LAMC2: variants seen among roughly 807,000 people sequenced by gnomAD.
LAMC2 encodes laminin subunit gamma-2.
In LAMC2, 97 loss-of-function variants were observed where a neutral mutation model predicts 140.2. That is an observed-to-expected ratio of 0.69 (90% CI 0.59 to 0.82). LAMC2 has a LOEUF of 0.82. Among genes scored for constraint, LAMC2 ranks in the 40% least tolerant of loss-of-function variants. The probability of loss-of-function intolerance (pLI) is 0.00; values close to 1 mark genes in which losing one functional copy is unlikely to be tolerated. For synonymous variants in LAMC2, 513 were observed against 540.2 expected (o/e 0.95, Z 0.70); for missense variants, 1,402 against 1,476.1 (o/e 0.95, Z 0.82).
chr1:183,208,203 C>A, intron 2 of LAMC2, 134 bp downstream of exon 2: 2 of 866,698 alleles, frequency 2.3e-6, no homozygotes, highest in Non-Finnish European at 3.8e-6. Context: ...GCAAGCAGGC[C>A]AAGAGGGAGA....
In LAMC2 at chr1:183,232,337, T is replaced by C; in HGVS notation, c.2008T>C (p.Ser670Pro). 1 of 1,613,968 alleles carries C rather than the reference T, an allele frequency of 6.2e-7. No individual in the cohort carries two copies. The highest frequency in any genetic ancestry group is 8.5e-7 in the Non-Finnish European group (1 of 1,180,004). ...LQDILRDAQI[S>P]EGASRSLGLQ... ...GGACATTCTGAGAGATGCCCAGATT[T>C]CAGAAGGTGATGAAGGCCAACTTCC... is the stretch of plus-strand genomic sequence containing the variant. Residue 670 changes from serine (S) to proline (P), a missense_variant, in exon 13 of 23, where the codon TCA becomes CCA. By Grantham distance (74) the Ser-to-Pro change is moderately conservative. Transcript: ENST00000264144.
downstream of LAMC2, chr1:183,249,789 A>C (rs1660327979): frequency 6.6e-6 from 1 of 150,804 alleles, no homozygotes; most frequent in Non-Finnish European, 1.5e-5. Flanking sequence ...AAGAAGATTC[A>C]CTTTCTTTTT....
intron 8 of LAMC2, among the ~76,000 whole-genome samples, chr1:183,226,108 C>T (rs572479568): frequency 5.3e-5 from 8 of 150,942 alleles, no homozygotes; most frequent in African/African-American, 1.9e-4. Flanking sequence ...CCATGCTAGC[C>T]TGTCTGAGTC....
rs35281117 is a variant in LAMC2 at position 183,238,325 on chromosome 1, T to A, written c.2773T>A (p.Ser925Thr). The A allele has an allele frequency of 3.8e-5, 62 of 1,613,942 alleles. No individual in the cohort carries two copies. In the African/African-American group the frequency reaches 7.7e-4, roughly 20 times the overall value. Reference sequence around the variant, plus strand: ...TTTACAGAAATCAGATCAGCTGCTTTCCCGTGCCAATCTTGCTAAAAGCAG... The same window carrying A: ...TTTACAGAAATCAGATCAGCTGCTTACCCGTGCCAATCTTGCTAAAAGCAG... ...SGREKSDQLL[S>T]RANLAKSRAQ... is the part of the protein sequence containing the mutation. The change falls in exon 19 of 23, where the codon TCC becomes ACC. Residue 925 changes from serine to threonine, a missense_variant. By Grantham distance (58) the Ser-to-Thr change is moderately conservative. Around this residue, in one of 3 missense-constraint regions of LAMC2, gnomAD observed 670 missense variants for 667.2 expected, o/e 1.00. Coordinates refer to ENST00000264144, the MANE Select transcript of LAMC2 (RefSeq NM_005562.3).
chr1:183,252,897 C>G, the LAMC2 span, among the ~76,000 whole-genome samples: 1 of 152,226 alleles, frequency 6.6e-6, no homozygotes, highest in Non-Finnish European at 1.5e-5. Context: ...GCCTCCACAA[C>G]TCCTTCCCCA....
At position 183,225,498 on chromosome 1, in the gene LAMC2, G is replaced by C. The variant is rs1033822073; in HGVS notation, c.954-110G>C. 3 of 797,492 alleles carry C rather than the reference G, an allele frequency of 3.8e-6. No individual in the cohort carries two copies. The African/African-American group carries it at 5.1e-5, about 13-fold the overall frequency. 49.4% of individuals were successfully genotyped at this position (797,492 alleles called of 1,614,324 possible). ...CTCTCAGTCCTATGCCCCCTTCTAA[G>C]CAGGACTGGGAAGGGGCTTAGCTGT... On this transcript the variant is annotated intron_variant, in intron 7 of 22. Transcript: ENST00000264144.
intron 18 of LAMC2, among the ~76,000 whole-genome samples, 187 bp downstream of exon 18, chr1:183,237,691 C>A (rs949968054): frequency 1.3e-5 from 2 of 152,064 alleles, no homozygotes; most frequent in African/African-American, 4.8e-5. Flanking sequence ...CCAGCGTAGG[C>A]AACGTAGTGA....
At chr1:183,249,201 A>G (rs1467331220), downstream of LAMC2, 1 of 152,144 alleles carries the variant, frequency 6.6e-6, no homozygotes, top group African/African-American at 2.4e-5. Context: ...CCTTGTTCCT[A>G]TGTACATTCA....
At position 183,222,135 on chromosome 1, in the gene LAMC2, G is replaced by T; in HGVS notation, c.687G>T (p.Lys229Asn). The change falls in exon 6 of 23, where the codon AAG (lysine) becomes AAT (asparagine). Residue 229 changes from lysine to asparagine, a missense_variant. Physicochemically the swap from Lys to Asn is moderately conservative, Grantham distance 94. Transcript: ENST00000264144. ...KAVQRNGSPA[K>N]LQWSQRHQDV... is the part of the protein sequence containing the mutation. ...TCCAACGAAATGGGTCTCCTGCAAA[G>T]CTCCAATGGTCACAGCGCCATCAAG... 2.5e-6 allele frequency: 4 copies of T among 1,614,136 alleles called. No homozygotes were observed. The highest frequency in any genetic ancestry group is 3.4e-6 in the Non-Finnish European group (4 of 1,179,966).
chr1:183,198,572 A>G (rs1364549080), intron 1 of LAMC2, among the ~76,000 whole-genome samples: 1 of 152,252 alleles, frequency 6.6e-6, no homozygotes, highest in Non-Finnish European at 1.5e-5. Flanking sequence ...AGCAACAGCA[A>G]CAAAGCACTA....
chr1:183,247,074 G>A (rs1660255658), downstream of LAMC2, among the ~76,000 whole-genome samples: 1 of 152,172 alleles, frequency 6.6e-6, no homozygotes, highest in African/African-American at 2.4e-5. Context: ...ACTTTGGGAG[G>A]CCAAGGCAGG....
At chr1:183,252,450 A>G in the LAMC2 span, 1 of 571,606 alleles carries the variant, frequency 1.7e-6, no homozygotes. Flanking sequence ...GACTAGAGGA[A>G]AGTCTGTCCA....
rs373273578 is a variant in LAMC2, at chr1:183,235,736, T to G, written c.2456+6T>G. 2.3e-5 allele frequency: 37 copies of G among 1,613,840 alleles called. No individual in the cohort carries two copies. The highest frequency in any genetic ancestry group is 2.9e-5 in the Non-Finnish European group (34 of 1,180,002). Reference sequence around the variant, plus strand: ...GTGCAAGGGCTTGTGGAAAAGTACGTTCCTACGGGTCCTCCCGTGGCTCAT... The same window carrying G: ...GTGCAAGGGCTTGTGGAAAAGTACGGTCCTACGGGTCCTCCCGTGGCTCAT... On this transcript the variant is annotated splice_donor_region_variant and intron_variant, in intron 16 of 22. Coordinates refer to ENST00000264144, the MANE Select transcript of LAMC2 (RefSeq NM_005562.3).
In LAMC2 at chr1:183,218,049, T is replaced by A. The variant is rs181429661; in HGVS notation, c.405-341T>A. On this transcript the variant is annotated intron_variant, in intron 3 of 22. Transcript: ENST00000264144. ...ATAGGGAAACAAATGATAATTTTTT[T>A]AAAAAATGTAAACTGAGCCAAACAG... Among the ~76,000 whole-genome samples, 265 of 152,328 alleles carry A rather than the reference T, an allele frequency of 1.7e-3. No homozygotes were observed. The East Asian group carries it at 0.022, about 13-fold the overall frequency.
intron 1 of LAMC2, among the ~76,000 whole-genome samples, chr1:183,197,675 CAAAA>C (rs201843893): frequency 5.7e-5 from 7 of 123,732 alleles, no homozygotes; most frequent in Non-Finnish European, 8.8e-5. Flanking sequence ...GACTCCGTCT[CAAAA>C]AAAAAAAAAA....
At chr1:183,200,208 T>C (rs1658662270) in intron 1 of LAMC2, among the ~76,000 whole-genome samples, 1 of 151,990 alleles carries the variant, frequency 6.6e-6, no homozygotes, top group Admixed American at 6.6e-5. Flanking sequence ...CTGGCCAACA[T>C]AGTGAAACCC....
Position 183,186,382 on chromosome 1 carries a change from C to T in LAMC2, c.30C>T (p.Leu10=), listed in dbSNP as rs772618887. The T allele has an allele frequency of 6.2e-7, 1 of 1,605,750 alleles. No homozygotes were observed. Residue 10 remains leucine, a synonymous_variant, in exon 1 of 23, where the codon CTC becomes CTT. Coordinates refer to ENST00000264144, the MANE Select transcript of LAMC2 (RefSeq NM_005562.3). The stretch of plus-strand genomic sequence containing the variant: ...CTGCGCTCTGGCTGGGCTGCTGCCT[C>T]TGCTTCTCGCTCCTCCTGCCCGCAG... MPALWLGCC[L]CFSLLLPAAR...
chr1:183,251,327 C>T, the LAMC2 span: 3 of 152,226 alleles, frequency 2.0e-5, no homozygotes, highest in African/African-American at 4.8e-5. Flanking sequence ...CATGCACTGT[C>T]TGAGTTACCT....
rs1053656511 is a variant in LAMC2, at chr1:183,212,369, C to G, written c.269-3084C>G. Among the ~76,000 whole-genome samples the G allele has an allele frequency of 1.2e-4, 18 of 152,152 alleles. 1 individual carries two copies. The highest frequency in any genetic ancestry group is 4.6e-4 in the Admixed American group (7 of 15,280). The stretch of plus-strand genomic sequence containing the variant: ...ATCATGAAGTCTCTAAACATCAAAC[C>G]AAATAGCCTCTCTTCATTCTCATCT... On this transcript the variant is annotated intron_variant, in intron 2 of 22. Coordinates refer to ENST00000264144, the MANE Select transcript of LAMC2 (RefSeq NM_005562.3).
Sources: allele counts gnomAD v4.1 joint callset (sites outside exome capture counted in the v4.1 genomes callset), GRCh38; gene constraint gnomAD v4.1.1; regional missense constraint gnomAD v4.1.1; transcripts MANE v1.5; gene names NCBI Gene and HGNC (gene_info 2026-07-23, HGNC 2026-07-21).